TINAG: variants seen among roughly 807,000 people sequenced by gnomAD.
The protein encoded by TINAG is tubulointerstitial nephritis antigen.
In TINAG, 83 loss-of-function variants were observed where a neutral mutation model predicts 72.7. The ratio of observed to expected loss-of-function variants is 1.14; its 90% CI spans 0.96 to 1.37. TINAG has a LOEUF of 1.37. TINAG is among the 40% of genes most tolerant of loss of function. TINAG has a pLI of 0.00. For synonymous variants in TINAG, 234 were observed against 189.9 expected, an observed-to-expected ratio of 1.23 and a Z score of -1.91; for missense variants, 685 against 576.6, an observed-to-expected ratio of 1.19 and a Z score of -1.93.
intron 9 of TINAG, among the ~76,000 whole-genome samples, chr6:54,376,895 C>T (rs960852430): frequency 2.6e-5 from 4 of 151,996 alleles, no homozygotes; most frequent in East Asian, 3.9e-4. Context: ...GAGTGAGAGA[C>T]GGAAACCCAG....
upstream of TINAG, chr6:54,308,006 G>A (rs2150924031): frequency 6.5e-7 from 1 of 1,542,948 alleles, no homozygotes; most frequent in South Asian, 1.2e-5. Context: ...AAACCAGTGT[G>A]TGACTGGGCA....
chr6:54,334,206 T>C (rs1251704051), intron 4 of TINAG, among the ~76,000 whole-genome samples: 1 of 152,198 alleles, frequency 6.6e-6, no homozygotes, highest in Non-Finnish European at 1.5e-5. Flanking sequence ...CTGTTATGAA[T>C]GCCCGGGGCA....
At chr6:54,334,144 T>C (rs1784807540) in intron 4 of TINAG, among the ~76,000 whole-genome samples, 1 of 152,186 alleles carries the variant, frequency 6.6e-6, no homozygotes, top group Admixed American at 6.5e-5. Flanking sequence ...CAATGTGTGG[T>C]GTTCTCCAGG....
At position 54,343,210 on chromosome 6, in the gene TINAG, T is replaced by C. The variant is rs1242062356; in HGVS notation, c.625-16T>C. 5 of 1,532,292 alleles carry C rather than the reference T, an allele frequency of 3.3e-6. No homozygotes were observed. Among genetic ancestry groups the C allele is most frequent in the South Asian group, 2.7e-5 (2 of 74,472 alleles). 94.9% of individuals were successfully genotyped at this position (1,532,292 alleles called of 1,614,324 possible). A position where few individuals can be genotyped will look rare whatever the true frequency, so the allele number is the denominator to read the frequency against. ...TTTGAGAAAATCTCATATATGTACC[T>C]CTTCTTCCTCTTTAGGCTTCTTTAC... On this transcript the variant is annotated splice_polypyrimidine_tract_variant and intron_variant, in intron 4 of 10. Coordinates refer to ENST00000259782, the MANE Select transcript of TINAG (RefSeq NM_014464.4).
rs143395719 is a variant in TINAG at position 54,308,897 on chromosome 6, A to C, written c.347A>C (p.Tyr116Ser). The C allele has an allele frequency of 1.2e-6, 2 of 1,606,098 alleles. No homozygotes were observed. Among genetic ancestry groups the C allele is most frequent in the Non-Finnish European group, 1.7e-6 (2 of 1,175,992 alleles). ...KEWPPHTQPWYPEGCFKDGQH... is the reference protein window; with the variant it reads ...KEWPPHTQPWSPEGCFKDGQH... ...TGGCCTCCTCACACACAGCCTTGGT[A>C]TCCAGAAGGTAGGCTTTGGGAATGT... Residue 116 changes from tyrosine (Y) to serine (S), a missense_variant, in exon 1 of 11, where the codon TAT (tyrosine) becomes TCT (serine). Coordinates refer to ENST00000259782, the MANE Select transcript of TINAG (RefSeq NM_014464.4).
Position 54,349,864 on chromosome 6 carries a change from C to T in TINAG, c.1048C>T (p.Gln350Ter), listed in dbSNP as rs763387249. 2 of 1,607,722 alleles carry T rather than the reference C, an allele frequency of 1.2e-6. No individual in the cohort carries two copies. The highest frequency in any genetic ancestry group is 1.7e-6 in the Non-Finnish European group (2 of 1,176,122). The change falls in exon 7 of 11, where the codon CAA becomes TAA. Residue 350 changes from glutamine (Q) to a stop codon, truncating the protein, a stop_gained. Coordinates refer to ENST00000259782, the MANE Select transcript of TINAG (RefSeq NM_014464.4). LOFTEE classifies it high-confidence loss of function. Reference protein sequence around the residue: ...NNVEKSNRIYQCSPPYRVSSN... With the variant: ...NNVEKSNRIY The stretch of plus-strand genomic sequence containing the variant: ...CGTAGAAAAATCTAACAGGATCTAT[C>T]AATGTTCTCCTCCATACAGAGTCTC...
At chr6:54,376,852 C>T (rs2150979995) in intron 9 of TINAG, among the ~76,000 whole-genome samples, 1 of 151,994 alleles carries the variant, frequency 6.6e-6, no homozygotes, top group Non-Finnish European at 1.5e-5. Context: ...TAAAATAAAT[C>T]CTGAAGGAAG....
chr6:54,362,112 C>T (rs1037361922), intron 9 of TINAG, among the ~76,000 whole-genome samples: 1 of 151,634 alleles, frequency 6.6e-6, no homozygotes, highest in Non-Finnish European at 1.5e-5. Context: ...TCCAGAAGAT[C>T]TAACTAAGAT....
rs777153498 is a variant in TINAG, at chr6:54,349,797, T to C, written c.981T>C (p.Asp327=). The change falls in exon 7 of 11, where the codon GAT becomes GAC. Residue 327 remains aspartate (D), a synonymous_variant. Coordinates refer to ENST00000259782, the MANE Select transcript of TINAG (RefSeq NM_014464.4). Reference sequence around the variant, plus strand: ...GATGTGCCATGGCAAGCAGGTCTGATGGGCGAGGAAAACGGCATGCCACGA... The same window carrying C: ...GATGTGCCATGGCAAGCAGGTCTGACGGGCGAGGAAAACGGCATGCCACGA... ...NNGCAMASRS[D]GRGKRHATKP... is the part of the protein sequence containing the mutation. 25 of 1,607,636 alleles carry C rather than the reference T, an allele frequency of 1.6e-5. No homozygotes were observed. The highest frequency in any genetic ancestry group is 2.2e-5 in the South Asian group (2 of 90,252).
intron 1 of TINAG, among the ~76,000 whole-genome samples, chr6:54,311,825 CA>C (rs1784265898): frequency 6.6e-6 from 1 of 152,040 alleles, no homozygotes; most frequent in Non-Finnish European, 1.5e-5. Context: ...TTTAGTTCCT[CA>C]AAAAACTTCA....
intron 9 of TINAG, among the ~76,000 whole-genome samples, chr6:54,378,467 C>G (rs1307828139): frequency 2.0e-5 from 3 of 152,096 alleles, no homozygotes; most frequent in Non-Finnish European, 4.4e-5. Context: ...AAACTTACAG[C>G]AACTCTAAAG....
At chr6:54,374,501 A>G (rs763753389) in intron 9 of TINAG, among the ~76,000 whole-genome samples, 2 of 152,128 alleles carry the variant, frequency 1.3e-5, no homozygotes, top group Non-Finnish European at 2.9e-5. Context: ...TTCATATTCA[A>G]TAACACTTCA....
intron 10 of TINAG, among the ~76,000 whole-genome samples, chr6:54,385,919 C>G: frequency 8.0e-6 from 1 of 124,240 alleles, no homozygotes; most frequent in East Asian, 2.8e-4. Flanking sequence ...CGGAGTCTCA[C>G]TCACTCTGTC....
chr6:54,354,220 T>C (rs1785335488), intron 8 of TINAG, among the ~76,000 whole-genome samples: 1 of 151,930 alleles, frequency 6.6e-6, no homozygotes, highest in African/African-American at 2.4e-5. Flanking sequence ...AGTATGCTTT[T>C]GTTGCAAGCG....
intron 3 of TINAG, among the ~76,000 whole-genome samples, chr6:54,322,114 T>G (rs1784504205): frequency 6.6e-6 from 1 of 151,988 alleles, no homozygotes; most frequent in South Asian, 2.1e-4. Flanking sequence ...AAGACCAGCT[T>G]GGACAACTAG....
intron 9 of TINAG, among the ~76,000 whole-genome samples, chr6:54,369,030 C>A (rs563432026): frequency 1.3e-5 from 2 of 151,566 alleles, no homozygotes; most frequent in Non-Finnish European, 2.9e-5. Flanking sequence ...AAAGTAATAA[C>A]GTAGATATTT....
rs556046521 is a variant in TINAG, at chr6:54,349,990, A to G, written c.1080+94A>G. On this transcript the variant is annotated intron_variant, in intron 7 of 10. Transcript: ENST00000259782. Reference sequence around the variant, plus strand: ...AACAATTTAAAAACTAATTAAAACTATTATATTCTAAAATAAATATTATAT... The same window carrying G: ...AACAATTTAAAAACTAATTAAAACTGTTATATTCTAAAATAAATATTATAT... The G allele has an allele frequency of 6.8e-6, 5 of 739,974 alleles. No individual in the cohort carries two copies. The African/African-American group carries it at 7.4e-5, about 11-fold the overall frequency. 45.8% of individuals were successfully genotyped at this position (739,974 alleles called of 1,614,324 possible).
At chr6:54,324,849 T>G (rs564741296) in intron 3 of TINAG, among the ~76,000 whole-genome samples, 61 of 152,350 alleles carry the variant, frequency 4.0e-4, no homozygotes, top group Non-Finnish European at 6.5e-4. Context: ...CCTGACTTGT[T>G]TCTGTTTCCA....
At chr6:54,339,788 T>C (rs576625550) in intron 4 of TINAG, among the ~76,000 whole-genome samples, 1 of 152,220 alleles carries the variant, frequency 6.6e-6, no homozygotes, top group African/African-American at 2.4e-5. Flanking sequence ...TTGGTATTCA[T>C]GGCCACTGAC....
Sources: allele counts gnomAD v4.1 joint callset (sites outside exome capture counted in the v4.1 genomes callset), GRCh38; gene constraint gnomAD v4.1.1; transcripts MANE v1.5; gene names NCBI Gene and HGNC (gene_info 2026-07-23, HGNC 2026-07-21).